NSD1: variants seen among roughly 807,000 people sequenced by gnomAD.
NSD1 encodes the protein nuclear receptor binding SET domain protein 1, also known as histone-lysine N-methyltransferase, H3 lysine-36 specific.
In NSD1, 26 loss-of-function variants were observed where a neutral mutation model predicts 242.7. That is an observed-to-expected ratio of 0.11 (90% CI 0.08 to 0.15). The LOEUF (loss-of-function observed/expected upper bound fraction) is 0.15, where lower values mean the gene tolerates loss of function less well. Among genes scored for constraint, NSD1 ranks in the 10% least tolerant of loss-of-function variants. The pLI is 1.00. For missense variants in NSD1, 2,495 were observed against 3,272.8 expected (o/e 0.76, Z 5.80); for synonymous variants, 1,106 against 1,178.1 (o/e 0.94, Z 1.25).
chr5:177,296,783 C>T lies in NSD1; in HGVS notation c.*1324C>T, dbSNP rs899319584. 8 of 233,238 alleles carry T rather than the reference C, an allele frequency of 3.4e-5. No individual in the cohort carries two copies. The highest frequency in any genetic ancestry group is 1.8e-4 in the African/African-American group (8 of 45,336). The allele number at this position is 233,238 out of a possible 1,614,324, so 14.4% of individuals were successfully genotyped here. On this transcript the variant is annotated 3_prime_UTR_variant, in exon 23 of 23. Transcript: ENST00000439151. ...GGCTGGGAAATCTGTTGGTGCTACC[C>T]TGCCCTACCATTCACCCAGCTCACA...
chr5:177,268,335 G>A (rs1279546906), intron 15 of NSD1, among the ~76,000 whole-genome samples: 4 of 114,608 alleles, frequency 3.5e-5, no homozygotes, highest in Non-Finnish European at 5.2e-5. Flanking sequence ...TGTGGGGTGG[G>A]GGGTGGGGGG....
chr5:177,217,217 C>A (rs2149857746), intron 5 of NSD1, among the ~76,000 whole-genome samples: 1 of 152,174 alleles, frequency 6.6e-6, no homozygotes, highest in African/African-American at 2.4e-5. Context: ...ACCATTTCTC[C>A]TCCTTGGTTA....
intron 8 of NSD1, among the ~76,000 whole-genome samples, chr5:177,243,617 C>CT (rs1766057113): frequency 6.6e-6 from 1 of 152,140 alleles, no homozygotes; most frequent in Non-Finnish European, 1.5e-5. Flanking sequence ...TGTATCTAGT[C>CT]TATATGTTGG....
chr5:177,216,670 GTT>G (rs771087392), intron 5 of NSD1, among the ~76,000 whole-genome samples: 7 of 126,866 alleles, frequency 5.5e-5, no homozygotes, highest in Non-Finnish European at 8.5e-5. Context: ...AGGGATCTCT[GTT>G]TTTTTTTTTT....
chr5:177,218,901 G>A (rs1365460827), intron 5 of NSD1, among the ~76,000 whole-genome samples: 1 of 151,214 alleles, frequency 6.6e-6, no homozygotes, highest in African/African-American at 2.4e-5. Flanking sequence ...TGGCCCTAAC[G>A]GGAGCCGTAT....
intron 14 of NSD1, among the ~76,000 whole-genome samples, chr5:177,264,255 T>C (rs1757238557): frequency 6.6e-6 from 1 of 152,060 alleles, no homozygotes; most frequent in South Asian, 2.1e-4. Context: ...AGCTAATGCA[T>C]GATGTTAAAA....
At chr5:177,176,563 C>A (rs1356901766) in intron 2 of NSD1, among the ~76,000 whole-genome samples, 2 of 152,020 alleles carry the variant, frequency 1.3e-5, no homozygotes, top group African/African-American at 4.8e-5. Flanking sequence ...TTCTGAGTAG[C>A]TAGTACCACA....
At chr5:177,175,471 A>T (rs969748877) in intron 2 of NSD1, among the ~76,000 whole-genome samples, 23 of 151,814 alleles carry the variant, frequency 1.5e-4, no homozygotes, top group Admixed American at 1.1e-3. Flanking sequence ...AAAAAAAAAA[A>T]TTTTAAATTT....
At chr5:177,253,571 G>A (rs1044619322) in intron 12 of NSD1, among the ~76,000 whole-genome samples, 3 of 152,088 alleles carry the variant, frequency 2.0e-5, no homozygotes, top group Non-Finnish European at 2.9e-5. Context: ...AAATAAAGCT[G>A]CTGAGAACAT....
At chr5:177,225,734 C>G (rs1208630238) in intron 5 of NSD1, among the ~76,000 whole-genome samples, 3 of 152,080 alleles carry the variant, frequency 2.0e-5, no homozygotes, top group African/African-American at 4.8e-5. Context: ...TCACAATTTT[C>G]GTTCATTATA....
chr5:177,142,458 G>C (rs1756906801), intron 2 of NSD1, among the ~76,000 whole-genome samples: 3 of 152,186 alleles, frequency 2.0e-5, no homozygotes, highest in Admixed American at 2.0e-4. Context: ...AGGAAGGCAT[G>C]CCTAGAATAA....
rs2127281354 is a variant in NSD1, at chr5:177,294,478, A to C, written c.7110A>C (p.Pro2370=). The part of the protein sequence containing the change: ...RLDKSIGAAS[P]RPQSLEKTSV... ...ATAAATCCATAGGTGCTGCCAGCCC[A>C]AGGCCCCAGTCACTGGAGAAAACCT... Residue 2370 remains proline, a synonymous_variant, in exon 23 of 23, where the codon CCA becomes CCC. Coordinates refer to ENST00000439151, the MANE Select transcript of NSD1 (RefSeq NM_022455.5). 1 of 1,614,182 alleles carries C rather than the reference A, an allele frequency of 6.2e-7. No homozygotes were observed. Among genetic ancestry groups the C allele is most frequent in the East Asian group, 2.2e-5 (1 of 44,886 alleles).
At chr5:177,218,499 G>A (rs1562222335) in intron 5 of NSD1, among the ~76,000 whole-genome samples, 1 of 150,790 alleles carries the variant, frequency 6.6e-6, no homozygotes. Flanking sequence ...GTATTCTGTT[G>A]ATTTTTTTTT....
chr5:177,159,647 G>C (rs1252998241), intron 2 of NSD1, among the ~76,000 whole-genome samples: 1 of 148,782 alleles, frequency 6.7e-6, no homozygotes, highest in Non-Finnish European at 1.5e-5. Flanking sequence ...CCAGGCTGGA[G>C]TGCAATGGTG....
intron 2 of NSD1, among the ~76,000 whole-genome samples, chr5:177,151,710 G>A (rs1234454181): frequency 7.0e-6 from 1 of 142,304 alleles, no homozygotes; most frequent in Non-Finnish European, 1.5e-5. Flanking sequence ...TTTATCTTTT[G>A]AGACAGGGTC....
At chr5:177,202,200 CATTT>C (rs1762562171) in intron 3 of NSD1, among the ~76,000 whole-genome samples, 2 of 151,020 alleles carry the variant, frequency 1.3e-5, no homozygotes, top group African/African-American at 4.9e-5. Context: ...TCAAGTACTT[CATTT>C]GTCTCCTCCC....
intron 14 of NSD1, among the ~76,000 whole-genome samples, chr5:177,263,704 C>T (rs551684922): frequency 2.0e-5 from 3 of 152,290 alleles, no homozygotes; most frequent in African/African-American, 7.2e-5. Flanking sequence ...GCTGAACTAT[C>T]CACATTGTTC....
At chr5:177,202,592 T>G (rs1762590824) in intron 3 of NSD1, among the ~76,000 whole-genome samples, 1 of 152,120 alleles carries the variant, frequency 6.6e-6, no homozygotes, top group South Asian at 2.1e-4. Flanking sequence ...TTTCCCAGGC[T>G]GGTCTCGAAC....
intron 14 of NSD1, chr5:177,265,488 G>A (rs1322693491): frequency 3.1e-6 from 2 of 642,966 alleles, no homozygotes; most frequent in Non-Finnish European, 5.5e-6. Flanking sequence ...GGGGAGGGAG[G>A]GAGAGAGAGA....
Sources: gnomAD v4.1 joint callset for allele counts (sites outside exome capture counted in the v4.1 genomes callset) on GRCh38, gnomAD v4.1.1 for gene constraint, MANE v1.5 for transcripts, NCBI Gene and HGNC (gene_info 2026-07-23, HGNC 2026-07-21) for gene names.